The following POC5 variants were observed in gnomAD, a reference collection of about 807,000 sequenced individuals.
POC5 encodes the protein POC5 centriolar protein.
A neutral mutation model predicts 62.9 loss-of-function variants in POC5; 48 were observed. That is an observed-to-expected ratio of 0.76 (90% confidence interval 0.61 to 0.97). POC5 has a LOEUF of 0.97. Ranked by LOEUF, POC5 falls within the 50% of genes least tolerant of loss-of-function variation. The probability of loss-of-function intolerance (pLI) is 0.00; values close to 1 mark genes in which losing one functional copy is unlikely to be tolerated. For synonymous variants in POC5, 236 were observed against 228.2 expected (o/e 1.03, Z -0.31); for missense variants, 696 against 679.5 (o/e 1.02, Z -0.27).
At chr5:75,685,510 C>G in intron 9 of POC5, 26 bp from the exon 10 acceptor site, 2 of 1,583,526 alleles carry the variant, frequency 1.3e-6, no homozygotes, top group South Asian at 2.3e-5. Flanking sequence ...TAATTCCATT[C>G]AAATTCTTCC....
At position 75,692,451 on chromosome 5, in the gene POC5, T is replaced by C. The variant is rs775752809; in HGVS notation, c.740A>G (p.Glu247Gly). ...CCAGTGGAAGAATGTTCTCATCAAC[T>C]CTATCTTTTCCTTTTGCTTGCCTAT... The part of the protein sequence containing the change: ...HAIGKQKEKI[E>G]LMRTFFHWRI... Residue 247 changes from glutamate (E) to glycine (G), a missense_variant, in exon 7 of 12, where the codon GAG becomes GGG. By Grantham distance (98) the Glu-to-Gly change is moderately conservative (BLOSUM62 -2). Transcript: ENST00000428202. 1.2e-6 allele frequency: 2 copies of C among 1,600,874 alleles called. No individual in the cohort carries two copies. The highest frequency in any genetic ancestry group is 2.2e-5 in the South Asian group (2 of 89,424).
intron 5 of POC5, 82 bp from the exon 6 acceptor site, chr5:75,694,913 A>T (rs1776496122): frequency 9.8e-7 from 1 of 1,019,802 alleles, no homozygotes; most frequent in Non-Finnish European, 1.4e-6. Context: ...AAGAAACATT[A>T]AAAAAATCAG....
chr5:75,711,518 G>A (rs1777342655), intron 2 of POC5, among the ~76,000 whole-genome samples: 2 of 152,112 alleles, frequency 1.3e-5, no homozygotes, highest in Admixed American at 1.3e-4. Context: ...AGGGGCTTTT[G>A]TATTAAATGT....
At chr5:75,709,425 T>C (rs1426049643) in intron 2 of POC5, 4 of 152,172 alleles carry the variant, frequency 2.6e-5, no homozygotes, top group Non-Finnish European at 5.9e-5. Context: ...AGGCTCTTAT[T>C]AGGAAACAAA....
intron 4 of POC5, among the ~76,000 whole-genome samples, chr5:75,703,721 C>G (rs561631669): frequency 5.0e-4 from 76 of 152,262 alleles, no homozygotes; most frequent in African/African-American, 1.7e-3. Context: ...GTTAAGTACA[C>G]TGTTAGGCTT....
At position 75,695,731 on chromosome 5, in the gene POC5, G is replaced by C. The variant is rs539815175; in HGVS notation, c.514-900C>G. Among the ~76,000 whole-genome samples, 146 of 152,258 alleles carry C rather than the reference G, an allele frequency of 9.6e-4. 1 individual carries two copies. Among genetic ancestry groups the C allele is most frequent in the Non-Finnish European group, 1.2e-3 (82 of 68,008 alleles). ...GAGCCAAGATGGCCGAATAGGAACA[G>C]CTCCAGTCTACAGCTCCCAGCGTGA... On this transcript the variant is annotated intron_variant, in intron 5 of 11. Coordinates refer to ENST00000428202, the MANE Select transcript of POC5 (RefSeq NM_001099271.2).
Position 75,705,689 on chromosome 5 carries a change from A to G in POC5, c.307+15T>C, listed in dbSNP as rs769389822. ...TGTTGTATATTAATACAAATAAGCTAAAGAAAAATCATACCATCTGTCTTT... is the reference window on the plus strand; with the variant it reads ...TGTTGTATATTAATACAAATAAGCTGAAGAAAAATCATACCATCTGTCTTT... On this transcript the variant is annotated intron_variant, in intron 4 of 11. Transcript: ENST00000428202. 3.4e-6 allele frequency: 5 copies of G among 1,474,794 alleles called. No homozygotes were observed. In the African/African-American group the frequency reaches 7.1e-5, roughly 21 times the overall value. 91.4% of individuals were successfully genotyped at this position (1,474,794 alleles called of 1,614,324 possible).
chr5:75,674,350 C>A lies in POC5; in HGVS notation c.*85G>T. On this transcript the variant is annotated 3_prime_UTR_variant, in exon 12 of 12. Coordinates refer to ENST00000428202, the MANE Select transcript of POC5 (RefSeq NM_001099271.2). ...ACATGATGTCTCCATGATGTTCTAA[C>A]AATATGGAAAAGTTAAAACCAAAAG... The A allele has an allele frequency of 7.1e-7, 1 of 1,409,362 alleles. No homozygotes were observed. The highest frequency in any genetic ancestry group is 9.6e-7 in the Non-Finnish European group (1 of 1,036,650). 87.3% of individuals were successfully genotyped at this position (1,409,362 alleles called of 1,614,324 possible).
In POC5 at chr5:75,715,264, C is replaced by T. The variant is rs189302963; in HGVS notation, c.-15+2042G>A. Among the ~76,000 whole-genome samples, 693 of 147,210 alleles carry T rather than the reference C, an allele frequency of 4.7e-3. 18 individuals carry two copies. Among genetic ancestry groups the T allele is most frequent in the Admixed American group, 0.043 (631 of 14,576 alleles). On this transcript the variant is annotated intron_variant, in intron 1 of 11. Coordinates refer to ENST00000428202, the MANE Select transcript of POC5 (RefSeq NM_001099271.2). Reference sequence around the variant, plus strand: ...GGCGGAGCTCATAGTGAGCCAAGATCGCGCCGCTGCACTCCAGCCTGGGCG... The same window carrying T: ...GGCGGAGCTCATAGTGAGCCAAGATTGCGCCGCTGCACTCCAGCCTGGGCG...
At chr5:75,702,371 C>T (rs1010473799) in intron 5 of POC5, among the ~76,000 whole-genome samples, 3 of 152,060 alleles carry the variant, frequency 2.0e-5, no homozygotes, top group South Asian at 2.1e-4. Context: ...AAAAGAAGCA[C>T]GATCTTAGGC....
At chr5:75,715,309 CAA>C (rs922297009) in intron 1 of POC5, among the ~76,000 whole-genome samples, 5 of 59,318 alleles carry the variant, frequency 8.4e-5, no homozygotes, top group African/African-American at 2.5e-4. Flanking sequence ...GACTCCGTCT[CAA>C]AAAAAAAAAA....
chr5:75,695,473 G>C (rs1019204570), intron 5 of POC5, among the ~76,000 whole-genome samples: 1 of 152,090 alleles, frequency 6.6e-6, no homozygotes, highest in Admixed American at 6.6e-5. Flanking sequence ...CTGTTCCAAG[G>C]GGGGAAAATG....
At chr5:75,706,134 C>T (rs973923659) in intron 3 of POC5, among the ~76,000 whole-genome samples, 4 of 152,092 alleles carry the variant, frequency 2.6e-5, no homozygotes, top group Non-Finnish European at 5.9e-5. Flanking sequence ...TCCAGAGGCC[C>T]GCTGCTTTTC....
intron 6 of POC5, among the ~76,000 whole-genome samples, chr5:75,693,823 C>T (rs574675808): frequency 1.3e-5 from 2 of 152,276 alleles, no homozygotes; most frequent in Admixed American, 6.5e-5. Context: ...CATTTATAGC[C>T]GGGCACAGAT....
intron 2 of POC5, among the ~76,000 whole-genome samples, chr5:75,711,845 C>T (rs1371332615): frequency 6.6e-6 from 1 of 152,192 alleles, no homozygotes; most frequent in African/African-American, 2.4e-5. Context: ...AGCTTTATCT[C>T]TTCACGAAAT....
chr5:75,698,779 G>C (rs1468947925), intron 5 of POC5, among the ~76,000 whole-genome samples: 2 of 152,022 alleles, frequency 1.3e-5, no homozygotes, highest in Admixed American at 6.5e-5. Flanking sequence ...GAATCCAGGA[G>C]CTGGTTTTTT....
At chr5:75,679,709 G>T (rs1286804473) in intron 10 of POC5, among the ~76,000 whole-genome samples, 1 of 152,110 alleles carries the variant, frequency 6.6e-6, no homozygotes, top group Non-Finnish European at 1.5e-5. Flanking sequence ...AATCATAAAT[G>T]ATTTAATCTG....
At chr5:75,693,200 T>G (rs1278843984) in intron 6 of POC5, among the ~76,000 whole-genome samples, 2 of 149,840 alleles carry the variant, frequency 1.3e-5, no homozygotes, top group African/African-American at 4.9e-5. Flanking sequence ...TTATTAATGT[T>G]ATATGTTGAT....
At chr5:75,703,907 G>A (rs1454703345) in intron 4 of POC5, among the ~76,000 whole-genome samples, 3 of 152,044 alleles carry the variant, frequency 2.0e-5, no homozygotes, top group South Asian at 2.1e-4. Flanking sequence ...TGTAATCCCC[G>A]CACTTTGGGA....
Sources: allele counts gnomAD v4.1 joint callset (sites outside exome capture counted in the v4.1 genomes callset), GRCh38; gene constraint gnomAD v4.1.1; transcripts MANE v1.5; gene names NCBI Gene and HGNC (gene_info 2026-07-23, HGNC 2026-07-21).